ATP8A2: variants seen among roughly 807,000 people sequenced by gnomAD.
ATP8A2 encodes ATPase phospholipid transporting 8A2.
Under a neutral mutation model 165.6 loss-of-function variants are expected in ATP8A2, and 100 were observed. That is an observed-to-expected ratio of 0.60 (90% CI 0.51 to 0.71). ATP8A2 has a LOEUF of 0.71. ATP8A2 is among the 30% of genes least tolerant of loss of function. The pLI, the probability that ATP8A2 is intolerant of heterozygous loss-of-function variation, is 0.00. For synonymous variants in ATP8A2, 543 were observed against 548.8 expected, an observed-to-expected ratio of 0.99 and a Z score of 0.15; for missense variants, 1,227 against 1,479.5, an observed-to-expected ratio of 0.83 and a Z score of 2.80.
chr13:25,867,977 A>G (rs1416374666), intron 33 of ATP8A2: 4 of 282,254 alleles, frequency 1.4e-5, no homozygotes, highest in Non-Finnish European at 2.9e-5. Flanking sequence ...TCTCTATGCA[A>G]TTGTTGAGAC....
intron 35 of ATP8A2, among the ~76,000 whole-genome samples, chr13:26,010,866 G>A (rs1956830208): frequency 6.6e-6 from 1 of 152,224 alleles, no homozygotes; most frequent in South Asian, 2.1e-4. Flanking sequence ...CCTTAATTGG[G>A]AATGAATTAA....
chr13:25,458,687 A>T (rs547735187), intron 1 of ATP8A2, among the ~76,000 whole-genome samples: 1 of 152,348 alleles, frequency 6.6e-6, no homozygotes, highest in South Asian at 2.1e-4. Flanking sequence ...AATGAGATAC[A>T]CCTTGATGTT....
chr13:25,877,585 C>T (rs34641035), intron 33 of ATP8A2, among the ~76,000 whole-genome samples: 1 of 152,182 alleles, frequency 6.6e-6, no homozygotes, highest in Non-Finnish European at 1.5e-5. Context: ...TGGTCCTCCC[C>T]CCGACCCCAC....
At chr13:25,927,252 G>A (rs909276928) in intron 33 of ATP8A2, 9 of 456,500 alleles carry the variant, frequency 2.0e-5, no homozygotes, top group African/African-American at 1.8e-4. Flanking sequence ...CTGACAGAAA[G>A]ATTAAACGTC....
At chr13:25,435,984 A>AGTGT (rs2034763554) in intron 1 of ATP8A2, among the ~76,000 whole-genome samples, 1 of 109,286 alleles carries the variant, frequency 9.2e-6, no homozygotes, top group Non-Finnish European at 2.1e-5. Context: ...TGTGTGTGTG[A>AGTGT]GTGTGTGTAT....
intron 1 of ATP8A2, among the ~76,000 whole-genome samples, chr13:25,396,373 G>T (rs564159798): frequency 1.7e-4 from 26 of 152,298 alleles, no homozygotes; most frequent in Non-Finnish European, 7.3e-5. Flanking sequence ...TTTATGGCTG[G>T]CCTTGGGGAA....
intron 33 of ATP8A2, among the ~76,000 whole-genome samples, chr13:25,874,232 C>T (rs1444155054): frequency 6.6e-6 from 1 of 152,216 alleles, no homozygotes; most frequent in Non-Finnish European, 1.5e-5. Context: ...CTCATCCACA[C>T]TGGTGGCTTC....
At chr13:25,581,980 T>A in intron 23 of ATP8A2, 23 bp downstream of exon 23, 1 of 1,588,942 alleles carries the variant, frequency 6.3e-7, no homozygotes. Flanking sequence ...ACAAATAATT[T>A]CCTGATGCTG....
intron 33 of ATP8A2, among the ~76,000 whole-genome samples, chr13:25,921,493 G>T (rs1452717464): frequency 6.6e-6 from 1 of 151,656 alleles, no homozygotes; most frequent in Non-Finnish European, 1.5e-5. Context: ...TGTGGTGGCG[G>T]GCACCTGTAG....
At chr13:25,437,521 A>T (rs1593307228) in intron 1 of ATP8A2, among the ~76,000 whole-genome samples, 1 of 152,212 alleles carries the variant, frequency 6.6e-6, no homozygotes, top group Non-Finnish European at 1.5e-5. Context: ...GCTCTTATAT[A>T]AAGTCAGTTT....
intron 25 of ATP8A2, among the ~76,000 whole-genome samples, chr13:25,737,589 T>G (rs2138124415): frequency 1.3e-5 from 2 of 152,352 alleles, no homozygotes; most frequent in South Asian, 4.1e-4. Context: ...AGCCTTGACC[T>G]CCAGGCTCAA....
intron 29 of ATP8A2, among the ~76,000 whole-genome samples, 184 bp downstream of exon 29, chr13:25,837,469 A>G (rs1415987330): frequency 3.4e-5 from 4 of 119,114 alleles, no homozygotes; most frequent in East Asian, 2.5e-4. Flanking sequence ...ACACACACAC[A>G]CGCCACAAAC....
chr13:25,995,215 T>C (rs933565864), intron 35 of ATP8A2, among the ~76,000 whole-genome samples: 18 of 151,942 alleles, frequency 1.2e-4, no homozygotes, highest in Non-Finnish European at 2.2e-4. Context: ...TTCTCTTTTT[T>C]TTTTCTTTGT....
At chr13:25,881,336 C>G (rs1279010321) in intron 33 of ATP8A2, among the ~76,000 whole-genome samples, 1 of 152,130 alleles carries the variant, frequency 6.6e-6, no homozygotes, top group Non-Finnish European at 1.5e-5. Context: ...ATTGGTCTGC[C>G]CAATGCAATA....
intron 35 of ATP8A2, among the ~76,000 whole-genome samples, chr13:26,000,724 G>A (rs1215878301): frequency 1.9e-4 from 24 of 123,372 alleles, no homozygotes; most frequent in African/African-American, 5.4e-4. Context: ...AAAAAATTAA[G>A]TACTTTAATG....
intron 24 of ATP8A2, among the ~76,000 whole-genome samples, chr13:25,644,166 A>C (rs969144100): frequency 1.3e-5 from 2 of 152,114 alleles, no homozygotes; most frequent in African/African-American, 4.8e-5. Flanking sequence ...TTCTCTATAT[A>C]AGATCATGTT....
chr13:25,936,261 C>T (rs1422003113), intron 33 of ATP8A2, among the ~76,000 whole-genome samples: 1 of 152,214 alleles, frequency 6.6e-6, no homozygotes, highest in Admixed American at 6.5e-5. Context: ...AGCATGTATG[C>T]TCATCTGACG....
chr13:25,711,561 A>T (rs796996714), intron 25 of ATP8A2, among the ~76,000 whole-genome samples: 32 of 147,810 alleles, frequency 2.2e-4, no homozygotes, highest in South Asian at 6.6e-4. Flanking sequence ...AAAAAAAAAA[A>T]ATTTTTTTTA....
chr13:25,742,681 CT>C (rs11395602), intron 25 of ATP8A2, among the ~76,000 whole-genome samples: 1,967 of 130,648 alleles, frequency 0.015, 44 homozygotes, highest in African/African-American at 0.052. Flanking sequence ...CTCTCTCTGT[CT>C]TTTTTTTTTT....
Sources: allele counts gnomAD v4.1 joint callset (sites outside exome capture counted in the v4.1 genomes callset), GRCh38; gene constraint gnomAD v4.1.1; transcripts MANE v1.5; gene names NCBI Gene and HGNC (gene_info 2026-07-23, HGNC 2026-07-21).